NNMT: variants seen among roughly 807,000 people sequenced by gnomAD.
The protein encoded by NNMT is nicotinamide N-methyltransferase.
In NNMT, 10 loss-of-function variants were observed where a neutral mutation model predicts 11.7. The ratio of observed to expected loss-of-function variants is 0.85; its 90% CI spans 0.53 to 1.45. The LOEUF (loss-of-function observed/expected upper bound fraction) is 1.45. Among genes scored for constraint, NNMT ranks in the 40% most tolerant of loss-of-function variants. The probability of loss-of-function intolerance (pLI) is 0.00; values close to 1 mark genes in which losing one functional copy is unlikely to be tolerated. For missense variants in NNMT, 381 were observed against 319.4 expected (o/e 1.19, Z -1.47); for synonymous variants, 143 against 133.8 (o/e 1.07, Z -0.48).
In NNMT at chr11:114,312,197, A is replaced by G. The variant is rs1030044131; in HGVS notation, c.515A>G (p.Asp172Gly). The change falls in exon 3 of 3, where the codon GAC (aspartate) becomes GGC (glycine). Residue 172 changes from aspartate to glycine, a missense_variant. Physicochemically the swap from Asp to Gly is moderately conservative, Grantham distance 94. Transcript: ENST00000299964. ...STLCLDAACP[D>G]LPTYCRALRN... ...CTGTGTCTGGATGCCGCCTGCCCAGACCTCCCCACCTACTGCAGGGCGCTC... is the reference window on the plus strand; with the variant it reads ...CTGTGTCTGGATGCCGCCTGCCCAGGCCTCCCCACCTACTGCAGGGCGCTC... 5 of 1,613,930 alleles carry G rather than the reference A, an allele frequency of 3.1e-6. No individual in the cohort carries two copies. The highest frequency in any genetic ancestry group is 2.2e-5 in the East Asian group (1 of 44,870).
chr11:114,271,772 A>G (rs183334481), intron 2 of NNMT, among the ~76,000 whole-genome samples: 30 of 152,338 alleles, frequency 2.0e-4, no homozygotes, highest in Non-Finnish European at 3.8e-4. Flanking sequence ...AACCCAATGA[A>G]GACATCTTCA....
intron 2 of NNMT, among the ~76,000 whole-genome samples, chr11:114,301,351 A>G: frequency 6.6e-6 from 1 of 152,234 alleles, no homozygotes; most frequent in Admixed American, 6.5e-5. Context: ...CATAATTGCC[A>G]AAAATTGGAA....
chr11:114,271,876 C>CAGTACAGT (rs1364373968), intron 2 of NNMT, among the ~76,000 whole-genome samples: 2 of 151,874 alleles, frequency 1.3e-5, no homozygotes, highest in Admixed American at 6.6e-5. Flanking sequence ...GAAGAGAGTG[C>CAGTACAGT]AGTACAGTGG....
chr11:114,288,022 T>C (rs1273313213), intron 2 of NNMT, among the ~76,000 whole-genome samples: 1 of 152,220 alleles, frequency 6.6e-6, no homozygotes, highest in Non-Finnish European at 1.5e-5. Context: ...TGTTTTAAAT[T>C]TCATTGTATA....
chr11:114,295,419 CTTTTTTTTTTT>C (rs35621813), upstream of NNMT, among the ~76,000 whole-genome samples: 1 of 85,014 alleles, frequency 1.2e-5, no homozygotes, highest in South Asian at 4.8e-4. Context: ...TTAAAGAATT[CTTTTTTTTTTT>C]TTTTTTTTTT....
At chr11:114,290,830 G>A (rs1945329224) in intron 2 of NNMT, among the ~76,000 whole-genome samples, 2 of 152,162 alleles carry the variant, frequency 1.3e-5, no homozygotes, top group Non-Finnish European at 2.9e-5. Context: ...TTTTCTGGTT[G>A]TAGAATTCTA....
In NNMT at chr11:114,312,318, C is replaced by T. The variant is rs757534041; in HGVS notation, c.636C>T (p.Ser212=). ...SYYMIGEQKF[S]SLPLGREAVE... ...ACATGATTGGTGAGCAGAAGTTCTC[C>T]AGCCTCCCCCTGGGCCGGGAGGCAG... is the stretch of plus-strand genomic sequence containing the variant. Residue 212 remains serine, a synonymous_variant, in exon 3 of 3, where the codon TCC becomes TCT. Transcript: ENST00000299964. 2.5e-6 allele frequency: 4 copies of T among 1,614,210 alleles called. No homozygotes were observed. The highest frequency in any genetic ancestry group is 3.3e-5 in the Admixed American group (2 of 60,024).
intron 2 of NNMT, among the ~76,000 whole-genome samples, chr11:114,267,751 C>T (rs1001342177): frequency 6.6e-6 from 1 of 152,082 alleles, no homozygotes; most frequent in East Asian, 1.9e-4. Context: ...TCCCAGACAT[C>T]GTGTTGTTTC....
rs149371203 is a variant in NNMT, at chr11:114,308,679, C to T, written c.363-3366C>T. ...TCTGCAAAACAGCATAGCACTTTCCCGGTGTGTGTTTATTACCTACCCCAT... is the reference window on the plus strand; with the variant it reads ...TCTGCAAAACAGCATAGCACTTTCCTGGTGTGTGTTTATTACCTACCCCAT... On this transcript the variant is annotated intron_variant, in intron 2 of 2. Coordinates refer to ENST00000299964, the MANE Select transcript of NNMT (RefSeq NM_006169.3). Among the ~76,000 whole-genome samples the T allele has an allele frequency of 2.3e-3, 348 of 152,194 alleles. 2 individuals carry two copies. The highest frequency in any genetic ancestry group is 7.6e-3 in the African/African-American group (316 of 41,526).
At chr11:114,262,024 G>C (rs574488370) in intron 1 of NNMT, among the ~76,000 whole-genome samples, 2 of 152,220 alleles carry the variant, frequency 1.3e-5, no homozygotes, top group African/African-American at 4.8e-5. Flanking sequence ...TGCCCCTAGG[G>C]CTGGGTCACT....
intron 2 of NNMT, among the ~76,000 whole-genome samples, chr11:114,284,438 C>A (rs1388125502): frequency 6.6e-6 from 1 of 152,192 alleles, no homozygotes; most frequent in Admixed American, 6.5e-5. Flanking sequence ...TTCACCCCAA[C>A]ATGGTTTTTT....
At chr11:114,259,347 TGG>T (rs762411732) in intron 1 of NNMT, among the ~76,000 whole-genome samples, 5 of 115,242 alleles carry the variant, frequency 4.3e-5, no homozygotes, top group Non-Finnish European at 7.1e-5. Flanking sequence ...AGAGGCCCAG[TGG>T]GGGGGGGGGA....
intron 2 of NNMT, among the ~76,000 whole-genome samples, chr11:114,284,608 CAT>C (rs1945283369): frequency 6.7e-6 from 1 of 149,362 alleles, no homozygotes; most frequent in Non-Finnish European, 1.5e-5. Flanking sequence ...GGACTACAGG[CAT>C]GTGCCACCAC....
At chr11:114,280,859 C>T (rs1211900213) in intron 2 of NNMT, among the ~76,000 whole-genome samples, 1 of 152,136 alleles carries the variant, frequency 6.6e-6, no homozygotes, top group African/African-American at 2.4e-5. Flanking sequence ...TTGCTTGTCC[C>T]CGGCCTGCTC....
intron 2 of NNMT, among the ~76,000 whole-genome samples, chr11:114,303,771 C>A (rs1591838351): frequency 1.3e-5 from 2 of 152,204 alleles, no homozygotes; most frequent in East Asian, 3.9e-4. Context: ...CACTGGGGTG[C>A]AGTGGTGAGA....
chr11:114,302,617 C>T (rs1945449120), intron 2 of NNMT, among the ~76,000 whole-genome samples: 1 of 151,886 alleles, frequency 6.6e-6, no homozygotes, highest in South Asian at 2.1e-4. Context: ...ACCATCTTTA[C>T]TATGTTTAAG....
chr11:114,312,586 A>G lies in NNMT; in HGVS notation c.*109A>G, dbSNP rs1945564345. ...AGTAGAGGCTCAGTGGTTGGGGCCC[A>G]ATGGTTCATCTAGGACGGGACTAGA... On this transcript the variant is annotated 3_prime_UTR_variant, in exon 3 of 3. Coordinates refer to ENST00000299964, the MANE Select transcript of NNMT (RefSeq NM_006169.3). 9.0e-7 allele frequency: 1 copy of G among 1,109,546 alleles called. No homozygotes were observed. Among genetic ancestry groups the G allele is most frequent in the Admixed American group, 2.1e-5 (1 of 48,302 alleles). 68.7% of individuals were successfully genotyped at this position (1,109,546 alleles called of 1,614,324 possible).
rs1945561667 is a variant in NNMT, at chr11:114,312,383, G to A, written c.701G>A (p.Trp234Ter). 1 of 1,614,240 alleles carries A rather than the reference G, an allele frequency of 6.2e-7. No individual in the cohort carries two copies. Residue 234 changes from tryptophan (W) to a stop codon, truncating the protein, a stop_gained, in exon 3 of 3, where the codon TGG becomes TAG. Coordinates refer to ENST00000299964, the MANE Select transcript of NNMT (RefSeq NM_006169.3). LOFTEE classifies it low-confidence loss of function (END_TRUNC). ...AVKEAGYTIE[W>*]FEVISQSYSS... ...AAAGAGGCTGGCTACACAATCGAAT[G>A]GTTTGAGGTGATCTCGCAAAGTTAT... is the stretch of plus-strand genomic sequence containing the variant.
At chr11:114,295,419 C>CTTT (rs35621813), upstream of NNMT, among the ~76,000 whole-genome samples, 3,322 of 84,984 alleles carry the variant, frequency 0.039, 296 homozygotes, top group East Asian at 0.086. Context: ...TTAAAGAATT[C>CTTT]TTTTTTTTTT....
Sources: allele counts gnomAD v4.1 joint callset (sites outside exome capture counted in the v4.1 genomes callset), GRCh38; gene constraint gnomAD v4.1.1; transcripts MANE v1.5; gene names NCBI Gene and HGNC (gene_info 2026-07-23, HGNC 2026-07-21).